Variants in HMCN2 observed in about 807,000 individuals in gnomAD.
HMCN2 encodes hemicentin 2.
A neutral mutation model predicts 377.5 loss-of-function variants in HMCN2; 325 were observed. The ratio of observed to expected loss-of-function variants is 0.86; its 90% CI spans 0.79 to 0.94. The LOEUF (loss-of-function observed/expected upper bound fraction) is 0.94, where lower values mean the gene tolerates loss of function less well. Among genes scored for constraint, HMCN2 ranks in the 40% least tolerant of loss-of-function variants. The pLI is 0.00. For synonymous variants in HMCN2, 2,007 were observed against 2,046.8 expected (o/e 0.98, Z 0.53); for missense variants, 4,543 against 4,725.3 (o/e 0.96, Z 1.13).
rs539017780 is a variant in HMCN2, at chr9:130,371,170, C to T, written c.7237+39C>T. The T allele has an allele frequency of 6.1e-6, 6 of 980,406 alleles. No individual in the cohort carries two copies. In the South Asian group the frequency reaches 1.4e-4, roughly 23 times the overall value. The allele number at this position is 980,406 out of a possible 1,614,324, so 60.7% of individuals were successfully genotyped here. ...TAAGGTTGGATCCTGGGAATCAGGTCGGGCTCTCTGCCTCTGACTCTATCC... is the reference window on the plus strand; with the variant it reads ...TAAGGTTGGATCCTGGGAATCAGGTTGGGCTCTCTGCCTCTGACTCTATCC... On this transcript the variant is annotated intron_variant, in intron 46 of 97. Transcript: ENST00000683500.
intron 97 of HMCN2, chr9:130,432,780 C>A (rs1221295287): frequency 6.9e-6 from 4 of 581,514 alleles, no homozygotes; most frequent in South Asian, 6.1e-5. Flanking sequence ...CACACAACCC[C>A]AGGACAAAAC....
At chr9:130,358,810 G>A (rs1418762162) in intron 36 of HMCN2, among the ~76,000 whole-genome samples, 3 of 152,102 alleles carry the variant, frequency 2.0e-5, no homozygotes, top group East Asian at 1.9e-4. Flanking sequence ...AGCAGCTGGG[G>A]CTACAGGCAC....
intron 62 of HMCN2, among the ~76,000 whole-genome samples, chr9:130,390,569 G>A (rs1270507161): frequency 1.3e-5 from 2 of 152,254 alleles, no homozygotes; most frequent in Non-Finnish European, 2.9e-5. Flanking sequence ...GGGAGTGGGA[G>A]GAGCCCGAGC....
chr9:130,389,951 G>A (rs1471922564), intron 62 of HMCN2, among the ~76,000 whole-genome samples: 1 of 152,204 alleles, frequency 6.6e-6, no homozygotes, highest in African/African-American at 2.4e-5. Context: ...GTGTGGCTGT[G>A]TCGCGTGTTG....
Position 130,365,628 on chromosome 9 carries a change from CA to C in HMCN2, c.6409-2del. The C allele has an allele frequency of 1.0e-6, 1 of 985,892 alleles. No homozygotes were observed. Among genetic ancestry groups the C allele is most frequent in the Non-Finnish European group, 1.2e-6 (1 of 829,940 alleles). 61.1% of individuals were successfully genotyped at this position (985,892 alleles called of 1,614,324 possible). ...CCCATGGGGTGTCTTTGCTCTCTGC[CA>C]GGTGGACAGAGCCGATGTGTGGGAT... On this transcript the variant is annotated splice_acceptor_variant, in intron 41 of 97. Transcript: ENST00000683500. LOFTEE classifies it high-confidence loss of function.
At chr9:130,399,947 G>A (rs887729378) in intron 76 of HMCN2, among the ~76,000 whole-genome samples, 10 of 152,200 alleles carry the variant, frequency 6.6e-5, no homozygotes, top group Non-Finnish European at 5.9e-5. Context: ...AGGATAGAAT[G>A]CAACAATTCA....
chr9:130,372,412 G>C lies in HMCN2; in HGVS notation c.7351+5G>C, dbSNP rs760200489. 1 of 976,494 alleles carries C rather than the reference G, an allele frequency of 1.0e-6. No individual in the cohort carries two copies. The highest frequency in any genetic ancestry group is 1.8e-5 in the African/African-American group (1 of 57,002). The allele number at this position is 976,494 out of a possible 1,614,324, so 60.5% of individuals were successfully genotyped here. A position where few individuals can be genotyped will look rare whatever the true frequency, so the allele number is the denominator to read the frequency against. On this transcript the variant is annotated splice_donor_5th_base_variant and intron_variant, in intron 47 of 97. Coordinates refer to ENST00000683500, the MANE Select transcript of HMCN2 (RefSeq NM_001291815.2). Reference sequence around the variant, plus strand: ...ACTTCAGTGTGGAGGTGCTGGGTGCGTTACAACCCCATTCTCATGGGTGCC... The same window carrying C: ...ACTTCAGTGTGGAGGTGCTGGGTGCCTTACAACCCCATTCTCATGGGTGCC...
chr9:130,403,770 C>G lies in HMCN2; in HGVS notation c.12043C>G (p.Gln4015Glu). The change falls in exon 80 of 98, where the codon CAG becomes GAG. Residue 4015 changes from glutamine (Q) to glutamate (E), a missense_variant. This residue lies in a region of HMCN2 where 1,073 missense variants were observed against 1,319.5 expected (regional missense o/e 0.81). Transcript: ENST00000683500. ...GAGTACCCAGGTCCTACCAGGCGGA[C>G]AGCTGCGGATTGCCCATGCCAGCCC... ...GVSTQVLPGG[Q>E]LRIAHASPED... The G allele has an allele frequency of 1.6e-6, 2 of 1,289,848 alleles. No homozygotes were observed. Among genetic ancestry groups the G allele is most frequent in the Non-Finnish European group, 2.0e-6 (2 of 988,862 alleles). 79.9% of individuals were successfully genotyped at this position (1,289,848 alleles called of 1,614,324 possible).
intron 4 of HMCN2, among the ~76,000 whole-genome samples, chr9:130,293,822 G>A (rs1461447570): frequency 1.3e-5 from 2 of 152,200 alleles, no homozygotes; most frequent in African/African-American, 4.8e-5. Context: ...AAATGTGAAT[G>A]ACTGGAGTGC....
At chr9:130,340,826 C>T (rs1010861156) in intron 23 of HMCN2, among the ~76,000 whole-genome samples, 6 of 152,144 alleles carry the variant, frequency 3.9e-5, no homozygotes, top group African/African-American at 7.2e-5. Context: ...CCCCGAGTGG[C>T]GCTTCTTAAA....
intron 25 of HMCN2, among the ~76,000 whole-genome samples, chr9:130,345,129 G>C (rs1292485594): frequency 8.8e-6 from 1 of 113,616 alleles, no homozygotes; most frequent in African/African-American, 3.3e-5. Flanking sequence ...TGTGGTGTGT[G>C]GTGTGTGCAC....
At chr9:130,412,209 T>G (rs1588421613) in intron 85 of HMCN2, among the ~76,000 whole-genome samples, 1 of 152,314 alleles carries the variant, frequency 6.6e-6, no homozygotes, top group East Asian at 1.9e-4. Context: ...TGACCTCAGG[T>G]GATCCACCTG....
chr9:130,420,065 C>CTT (rs10586199), intron 86 of HMCN2, among the ~76,000 whole-genome samples: 10,472 of 76,870 alleles, frequency 0.14, 921 homozygotes, highest in East Asian at 0.33. Flanking sequence ...CGTCCCACTT[C>CTT]TTTTTTTTTT....
At position 130,423,255 on chromosome 9, in the gene HMCN2, G is replaced by T. The variant is rs1026996480; in HGVS notation, c.13381+529G>T. Among the ~76,000 whole-genome samples the T allele has an allele frequency of 6.6e-6, 1 of 152,198 alleles. No individual in the cohort carries two copies. Among genetic ancestry groups the T allele is most frequent in the Non-Finnish European group, 1.5e-5 (1 of 68,036 alleles). On this transcript the variant is annotated intron_variant, in intron 87 of 97. Transcript: ENST00000683500. The surrounding 1 kb of genome is among the most constrained non-coding windows in gnomAD (Gnocchi z 5.5). Reference sequence around the variant, plus strand: ...GAGCGATGAATGCTCTGAGAGACTTGCAGAGCTTGTGACAGTGGACGTCAC... The same window carrying T: ...GAGCGATGAATGCTCTGAGAGACTTTCAGAGCTTGTGACAGTGGACGTCAC...
intron 22 of HMCN2, among the ~76,000 whole-genome samples, chr9:130,332,589 G>A (rs1455242248): frequency 1.3e-5 from 2 of 152,232 alleles, no homozygotes; most frequent in East Asian, 1.9e-4. Context: ...CTCCGGGCTC[G>A]TGCGATGGCG....
intron 85 of HMCN2, among the ~76,000 whole-genome samples, chr9:130,418,501 C>T (rs998005843): frequency 2.6e-5 from 4 of 152,032 alleles, no homozygotes; most frequent in East Asian, 1.9e-4. Flanking sequence ...GAGCTGAGAT[C>T]GCACCACTGC....
chr9:130,403,653 G>T, intron 79 of HMCN2, 88 bp from the exon 80 acceptor site: 1 of 1,204,522 alleles, frequency 8.3e-7, no homozygotes, highest in Non-Finnish European at 1.1e-6. Flanking sequence ...GTCATTTGCT[G>T]CCTGTGAGAC....
chr9:130,330,926 A>G (rs897994551), intron 22 of HMCN2, among the ~76,000 whole-genome samples: 2 of 150,696 alleles, frequency 1.3e-5, no homozygotes, highest in African/African-American at 4.9e-5. Context: ...TCAGGAGATC[A>G]AGATCATCCT....
At chr9:130,273,055 G>A (rs1554921735) in intron 1 of HMCN2, among the ~76,000 whole-genome samples, 1 of 152,002 alleles carries the variant, frequency 6.6e-6, no homozygotes, top group African/African-American at 2.4e-5. Flanking sequence ...CATCAGACAT[G>A]CCTCTTGTTC....
Sources: gnomAD v4.1 joint callset for allele counts (sites outside exome capture counted in the v4.1 genomes callset) on GRCh38, gnomAD v4.1.1 for gene constraint, gnomAD v4.1.1 regional missense constraint, Gnocchi (gnomAD v3.1) non-coding constraint, MANE v1.5 for transcripts, NCBI Gene and HGNC (gene_info 2026-07-23, HGNC 2026-07-21) for gene names.